The following RBFOX1 variants were observed in gnomAD, a reference collection of about 807,000 sequenced individuals.
The protein encoded by RBFOX1 is RNA binding protein fox-1 homolog 1.
In RBFOX1, 8 loss-of-function variants were observed where a neutral mutation model predicts 57.7. The observed-to-expected ratio is 0.14, with a 90% CI of 0.08 to 0.25. The LOEUF (loss-of-function observed/expected upper bound fraction) is 0.25, where lower values mean the gene tolerates loss of function less well. Among genes scored for constraint, RBFOX1 ranks in the 10% least tolerant of loss-of-function variants. The pLI, the probability that RBFOX1 is intolerant of heterozygous loss-of-function variation, is 1.00. For synonymous variants in RBFOX1, 326 were observed against 222.4 expected (o/e 1.47, Z -4.15); for missense variants, 611 against 548.5 (o/e 1.11, Z -1.14).
chr16:5,537,616 G>C (rs1296010488), intron 2 of RBFOX1, among the ~76,000 whole-genome samples: 1 of 152,188 alleles, frequency 6.6e-6, no homozygotes, highest in African/African-American at 2.4e-5. Context: ...GTAAACTGAA[G>C]GTTGTTCCCA....
intron 14 of RBFOX1, among the ~76,000 whole-genome samples, chr16:7,687,342 CTG>C (rs754170421): frequency 2.5e-4 from 38 of 151,954 alleles, no homozygotes; most frequent in Non-Finnish European, 4.9e-4. Context: ...GGTGATAAAA[CTG>C]AAATATAAAT....
intron 4 of RBFOX1, among the ~76,000 whole-genome samples, chr16:7,267,060 G>C (rs2095171492): frequency 6.6e-6 from 1 of 152,170 alleles, no homozygotes; most frequent in African/African-American, 2.4e-5. Flanking sequence ...TACCTGAGGA[G>C]AGTCGAAGTG....
At chr16:6,358,017 G>A (rs752788093) in intron 2 of RBFOX1, among the ~76,000 whole-genome samples, 26 of 152,006 alleles carry the variant, frequency 1.7e-4, no homozygotes, top group Non-Finnish European at 4.4e-5. Context: ...AATTTCAATG[G>A]TTGTGTCAAA....
At chr16:5,603,173 A>T (rs538728704), downstream of RBFOX1, among the ~76,000 whole-genome samples, 29 of 152,224 alleles carry the variant, frequency 1.9e-4, no homozygotes, top group Non-Finnish European at 3.4e-4. Flanking sequence ...CTTTCCCTGG[A>T]TGCAGAAAGT....
intron 13 of RBFOX1, among the ~76,000 whole-genome samples, chr16:7,667,825 C>A (rs901084666): frequency 6.6e-6 from 1 of 152,080 alleles, no homozygotes; most frequent in Non-Finnish European, 1.5e-5. Context: ...AGGCGCCTAC[C>A]ACCACCCCTG....
intron 4 of RBFOX1, among the ~76,000 whole-genome samples, chr16:7,207,037 C>A (rs184818859): frequency 6.6e-6 from 1 of 152,142 alleles, no homozygotes; most frequent in Non-Finnish European, 1.5e-5. Flanking sequence ...ATCCTGGCAA[C>A]TTCAAGGGCT....
chr16:7,300,312 G>C (rs2096002165), intron 4 of RBFOX1, among the ~76,000 whole-genome samples: 1 of 151,950 alleles, frequency 6.6e-6, no homozygotes, highest in South Asian at 2.1e-4. Flanking sequence ...AACAGTGCCT[G>C]GAATGAGATC....
intron 3 of RBFOX1, among the ~76,000 whole-genome samples, chr16:6,725,393 C>G (rs1030421830): frequency 2.0e-5 from 3 of 152,048 alleles, no homozygotes; most frequent in African/African-American, 7.2e-5. Context: ...CCAACGAGGT[C>G]TTTGTGACCT....
intron 1 of RBFOX1, among the ~76,000 whole-genome samples, chr16:6,106,039 G>C (rs921423218): frequency 7.9e-5 from 12 of 151,820 alleles, no homozygotes; most frequent in Non-Finnish European, 1.2e-4. Context: ...ATGAAAATTT[G>C]TAAGTAGAGA....
At chr16:6,068,738 C>G (rs1045775511) in intron 1 of RBFOX1, among the ~76,000 whole-genome samples, 1 of 152,182 alleles carries the variant, frequency 6.6e-6, no homozygotes, top group Non-Finnish European at 1.5e-5. Context: ...GAGGAATGCA[C>G]ACTTACAGGT....
At chr16:6,736,716 T>G (rs531482586) in intron 3 of RBFOX1, among the ~76,000 whole-genome samples, 30 of 152,324 alleles carry the variant, frequency 2.0e-4, no homozygotes, top group African/African-American at 7.0e-4. Context: ...CTACTTTTAG[T>G]TCCTTAATGA....
chr16:7,149,661 G>A (rs750521591), intron 4 of RBFOX1, among the ~76,000 whole-genome samples: 26 of 151,512 alleles, frequency 1.7e-4, no homozygotes, highest in Admixed American at 5.3e-4. Flanking sequence ...ATATGCCCCC[G>A]CAGGCCTCCC....
chr16:7,278,162 T>C (rs1381354160), intron 4 of RBFOX1, among the ~76,000 whole-genome samples: 3 of 152,176 alleles, frequency 2.0e-5, no homozygotes, highest in Non-Finnish European at 2.9e-5. Context: ...GTGCACGTGG[T>C]TTTAAGTTGG....
At chr16:6,721,964 C>T (rs2074274769) in intron 3 of RBFOX1, 1 of 153,708 alleles carries the variant, frequency 6.5e-6, no homozygotes, top group African/African-American at 2.4e-5. Context: ...GCTCCCTCGC[C>T]CTGTCCTAAG....
intron 1 of RBFOX1, among the ~76,000 whole-genome samples, chr16:6,258,531 A>T (rs1245366382): frequency 6.6e-6 from 1 of 152,216 alleles, no homozygotes; most frequent in Non-Finnish European, 1.5e-5. Context: ...CCTCTGCTCA[A>T]AAACCTTCAG....
chr16:5,623,076 C>A (rs1007143514), intron 3 of RBFOX1, among the ~76,000 whole-genome samples: 3 of 152,116 alleles, frequency 2.0e-5, no homozygotes, highest in Non-Finnish European at 4.4e-5. Flanking sequence ...TTGGAACCAA[C>A]CCCTCATGAA....
chr16:6,523,626 G>C (rs920161022), intron 2 of RBFOX1, among the ~76,000 whole-genome samples: 1 of 152,082 alleles, frequency 6.6e-6, no homozygotes, highest in African/African-American at 2.4e-5. Flanking sequence ...ACATTCTCAA[G>C]ATTTTATCCA....
At chr16:6,580,702 C>T (rs968171615) in intron 2 of RBFOX1, among the ~76,000 whole-genome samples, 1 of 152,132 alleles carries the variant, frequency 6.6e-6, no homozygotes, top group Non-Finnish European at 1.5e-5. Flanking sequence ...CATTATTCTC[C>T]TTACCTTTCT....
intron 1 of RBFOX1, among the ~76,000 whole-genome samples, chr16:6,245,759 A>T (rs1376507813): frequency 6.6e-6 from 1 of 152,200 alleles, no homozygotes; most frequent in East Asian, 1.9e-4. Context: ...ATCTGCAGCT[A>T]CTCAGCAGTG....
Sources: gnomAD v4.1 joint callset for allele counts (sites outside exome capture counted in the v4.1 genomes callset) on GRCh38, gnomAD v4.1.1 for gene constraint, MANE v1.5 for transcripts, NCBI Gene and HGNC (gene_info 2026-07-23, HGNC 2026-07-21) for gene names.